The following XRCC1 variants were observed in gnomAD, a reference collection of about 807,000 sequenced individuals.
The protein encoded by XRCC1 is DNA repair protein XRCC1.
XRCC1 carries 52 observed loss-of-function variants against 83.3 expected under a neutral mutation model. The observed-to-expected ratio is 0.62, with a 90% CI of 0.50 to 0.79. XRCC1 has a LOEUF of 0.79. Among genes scored for constraint, XRCC1 ranks in the 30% least tolerant of loss-of-function variants. XRCC1 has a pLI of 0.00. For synonymous variants in XRCC1, 281 were observed against 312.6 expected (o/e 0.90, Z 1.07); for missense variants, 793 against 823.5 (o/e 0.96, Z 0.45).
intron 11 of XRCC1, 29 bp from the exon 12 acceptor site, chr19:43,546,756 G>A (rs1972515064): frequency 6.2e-7 from 1 of 1,600,514 alleles, no homozygotes; most frequent in Non-Finnish European, 8.5e-7. Context: ...TGGGTGAGGA[G>A]GGCAGGAACA....
At chr19:43,547,039 G>C in intron 10 of XRCC1, 62 bp from the exon 11 acceptor site, 1 of 1,510,302 alleles carries the variant, frequency 6.6e-7, no homozygotes, top group Non-Finnish European at 9.1e-7. Context: ...GCGTTCAGGA[G>C]GCAACAGCCA....
At chr19:43,565,208 G>A (rs1972740651) in intron 2 of XRCC1, among the ~76,000 whole-genome samples, 1 of 152,126 alleles carries the variant, frequency 6.6e-6, no homozygotes, top group Non-Finnish European at 1.5e-5. Flanking sequence ...CAGGTTCTGG[G>A]GATGAGGACA....
At chr19:43,553,575 G>A (rs752868384) in intron 5 of XRCC1, 34 bp downstream of exon 5, 121 of 1,612,652 alleles carry the variant, frequency 7.5e-5, no homozygotes, top group South Asian at 3.0e-4. Flanking sequence ...GAGAGGCAGG[G>A]AGAAGGCCAT....
Position 43,552,156 on chromosome 19 carries a change from C to A in XRCC1, c.943G>T (p.Glu315Ter), listed in dbSNP as rs754864182. Residue 315 changes from glutamate to a stop codon, truncating the protein, a stop_gained, in exon 9 of 17, where the codon GAG becomes TAG. Transcript: ENST00000262887. LOFTEE classifies it high-confidence loss of function. ...EPRRPRAGPE[E>*]LGKILQGVVV... Reference sequence around the variant, plus strand: ...ACACCCTGAAGGATCTTCCCCAGCTCCTCTGGGCCAGCTCGGGGTCGTCTG... The same window carrying A: ...ACACCCTGAAGGATCTTCCCCAGCTACTCTGGGCCAGCTCGGGGTCGTCTG... The A allele has an allele frequency of 1.2e-5, 20 of 1,614,004 alleles. No homozygotes were observed. The Admixed American group carries it at 1.3e-4, about 11-fold the overall frequency.
chr19:43,553,653 A>C lies in XRCC1; in HGVS notation c.445T>G (p.Phe149Val). The change falls in exon 5 of 17, where the codon TTT (phenylalanine) becomes GTT (valine). Residue 149 changes from phenylalanine (F) to valine (V), a missense_variant. Phe to Val is a conservative substitution (Grantham distance 50). Coordinates refer to ENST00000262887, the MANE Select transcript of XRCC1 (RefSeq NM_006297.3). ...DSPFGLSFVR[F>V]HSPPDKDEAE... ...TCATCTTTGTCTGGGGGGCTATGAAACCGTACAAAACTCAAGCCAAAGGGG... is the reference window on the plus strand; with the variant it reads ...TCATCTTTGTCTGGGGGGCTATGAACCCGTACAAAACTCAAGCCAAAGGGG... 2 of 1,540,762 alleles carry C rather than the reference A, an allele frequency of 1.3e-6. No homozygotes were observed. Among genetic ancestry groups the C allele is most frequent in the Non-Finnish European group, 1.8e-6 (2 of 1,139,410 alleles).
chr19:43,553,561 G>T (rs1972604857), intron 5 of XRCC1, 48 bp downstream of exon 5: 1 of 1,612,850 alleles, frequency 6.2e-7, no homozygotes, highest in Middle Eastern at 1.7e-4. Flanking sequence ...GGCAGGTGGG[G>T]GTGGAGAGGC....
intron 2 of XRCC1, among the ~76,000 whole-genome samples, chr19:43,573,387 T>G (rs1972823419): frequency 6.6e-6 from 1 of 152,158 alleles, no homozygotes; most frequent in Non-Finnish European, 1.5e-5. Flanking sequence ...AGGCCCTTGC[T>G]GAAGTTAGAT....
chr19:43,563,474 T>G (rs921011683), intron 2 of XRCC1, among the ~76,000 whole-genome samples: 1 of 152,064 alleles, frequency 6.6e-6, no homozygotes, highest in Non-Finnish European at 1.5e-5. Context: ...GCTTGGGCGA[T>G]GGAGTGAGAC....
intron 12 of XRCC1, 79 bp from the exon 13 acceptor site, chr19:43,546,185 C>G (rs1972507609): frequency 2.6e-6 from 4 of 1,534,218 alleles, no homozygotes; most frequent in Non-Finnish European, 2.7e-6. Flanking sequence ...TGGCACAGAC[C>G]CAGGCATCTC....
intron 1 of XRCC1, 120 bp downstream of exon 1, chr19:43,575,288 C>T (rs1972845246): frequency 1.7e-6 from 2 of 1,155,744 alleles, no homozygotes; most frequent in Non-Finnish European, 2.4e-6. Context: ...TCACTTTTAG[C>T]CTCCTGGAAA....
At position 43,554,637 on chromosome 19, in the gene XRCC1, C is replaced by T; in HGVS notation, c.414+9G>A. On this transcript the variant is annotated intron_variant, in intron 4 of 16. Transcript: ENST00000262887. ...AAGGACTCTGCACCCTGGCTCCCAC[C>T]CTAGGTACCTTGCTGTAGGGCTGGC... 6.2e-7 allele frequency: 1 copy of T among 1,608,046 alleles called. No homozygotes were observed. Among genetic ancestry groups the T allele is most frequent in the Non-Finnish European group, 8.5e-7 (1 of 1,176,126 alleles).
chr19:43,563,258 A>G (rs1206792473), intron 2 of XRCC1, among the ~76,000 whole-genome samples: 2 of 152,216 alleles, frequency 1.3e-5, no homozygotes, highest in Non-Finnish European at 2.9e-5. Flanking sequence ...AGGCTGAGAC[A>G]GGTGAATCGC....
rs1213062759 is a variant in XRCC1, at chr19:43,548,779, A to AAAAAAAAAAAAAAAAAAAAAAAAAAAAC, written c.1200-1803_1200-1802insGTTTTTTTTTTTTTTTTTTTTTTTTTTT. Among the ~76,000 whole-genome samples, 33 of 141,704 alleles carry AAAAAAAAAAAAAAAAAAAAAAAAAAAAC rather than the reference A, an allele frequency of 2.3e-4. 1 individual carries two copies. Among genetic ancestry groups the AAAAAAAAAAAAAAAAAAAAAAAAAAAAC allele is most frequent in the South Asian group, 7.1e-4 (3 of 4,208 alleles). 93.0% of individuals were successfully genotyped at this position (141,704 alleles called of 152,430 possible). On this transcript the variant is annotated intron_variant, in intron 10 of 16. Transcript: ENST00000262887. ...CCCAAGAATGATCAAAAAAAAAAAA[A>AAAAAAAAAAAAAAAAAAAAAAAAAAAAC]AAAAAAACACAACAGTAGCAGGTTG... is the stretch of plus-strand genomic sequence containing the variant.
chr19:43,554,611 C>T, intron 4 of XRCC1, 35 bp downstream of exon 4: 1 of 1,586,566 alleles, frequency 6.3e-7, no homozygotes, highest in South Asian at 1.1e-5. Flanking sequence ...TGCCCAGGAC[C>T]AAGGACTCTG....
At chr19:43,571,341 G>A (rs1349297291) in intron 2 of XRCC1, among the ~76,000 whole-genome samples, 3 of 152,042 alleles carry the variant, frequency 2.0e-5, no homozygotes, top group African/African-American at 7.2e-5. Flanking sequence ...AGGCCTTCCC[G>A]GACCCTACTA....
At chr19:43,559,254 T>C (rs148123633) in intron 3 of XRCC1, among the ~76,000 whole-genome samples, 10,353 of 151,562 alleles carry the variant, frequency 0.068, 616 homozygotes, top group East Asian at 0.32. Context: ...GAGGCTAAGG[T>C]GGGCAGATCA....
intron 4 of XRCC1, 60 bp downstream of exon 4, chr19:43,554,586 C>T (rs916944807): frequency 6.5e-7 from 1 of 1,543,164 alleles, no homozygotes; most frequent in South Asian, 1.2e-5. Flanking sequence ...CAATATTGGC[C>T]CTTATTTCCC....
intron 14 of XRCC1, among the ~76,000 whole-genome samples, chr19:43,545,036 C>T (rs1972494984): frequency 6.6e-6 from 1 of 152,160 alleles, no homozygotes. Context: ...CAACCAGTGC[C>T]TTTCTTGTTC....
chr19:43,564,049 G>A (rs757391470), intron 2 of XRCC1, among the ~76,000 whole-genome samples: 8 of 152,048 alleles, frequency 5.3e-5, no homozygotes, highest in Non-Finnish European at 7.4e-5. Context: ...CTCAGTTTTC[G>A]AACCTATGAA....
Sources: gnomAD v4.1 joint callset for allele counts (sites outside exome capture counted in the v4.1 genomes callset) on GRCh38, gnomAD v4.1.1 for gene constraint, MANE v1.5 for transcripts, NCBI Gene and HGNC (gene_info 2026-07-23, HGNC 2026-07-21) for gene names.